DYDC2: variants seen among roughly 807,000 people sequenced by gnomAD.
The protein encoded by DYDC2 is DPY30 domain containing 2, also known as DPY30 domain-containing protein 2.
DYDC2 carries 19 observed loss-of-function variants against 18.7 expected under a neutral mutation model. That is an observed-to-expected ratio of 1.02 (90% CI 0.71 to 1.49). DYDC2 has a LOEUF of 1.49. DYDC2 is among the 40% of genes most tolerant of loss of function. The probability of loss-of-function intolerance (pLI) is 0.00; values close to 1 mark genes in which losing one functional copy is unlikely to be tolerated. For synonymous variants in DYDC2, 63 were observed against 67.6 expected (o/e 0.93, Z 0.34); for missense variants, 179 against 205.1 (o/e 0.87, Z 0.78).
At chr10:80,363,186 T>C in intron 4 of DYDC2, 113 bp downstream of exon 4, 1 of 1,031,538 alleles carries the variant, frequency 9.7e-7, no homozygotes, top group Non-Finnish European at 1.4e-6. Context: ...CCCTTTAGCT[T>C]GATTTTCAAT....
At chr10:80,351,975 G>T (rs142759387), upstream of DYDC2, 2 of 1,613,834 alleles carry the variant, frequency 1.2e-6, no homozygotes, top group Non-Finnish European at 1.7e-6. Flanking sequence ...TCTCTTTCAC[G>T]CTCCAGCTTG....
At position 80,366,686 on chromosome 10, in the gene DYDC2, A is replaced by C; in HGVS notation, c.271-2A>C. 6.3e-7 allele frequency: 1 copy of C among 1,593,604 alleles called. No homozygotes were observed. ...TTTTCGGCTTTTTTGTTTTCTATTT[A>C]GGAACTGACTTCTGAAACTGTTTCC... On this transcript the variant is annotated splice_acceptor_variant, in intron 4 of 4. Transcript: ENST00000256039. LOFTEE classifies it high-confidence loss of function.
chr10:80,349,764 A>C (rs1359438220), intron 1 of DYDC2, among the ~76,000 whole-genome samples: 1 of 152,194 alleles, frequency 6.6e-6, no homozygotes, highest in Admixed American at 6.5e-5. Flanking sequence ...AAACTTCCAA[A>C]ACCTAATCCC....
intron 4 of DYDC2, among the ~76,000 whole-genome samples, chr10:80,364,488 C>A (rs1308949268): frequency 6.6e-6 from 1 of 151,998 alleles, no homozygotes; most frequent in Non-Finnish European, 1.5e-5. Flanking sequence ...AGAAGACTCC[C>A]AAAACTTCAC....
intron 1 of DYDC2, 129 bp from the exon 2 acceptor site, chr10:80,357,764 C>T (rs1324246713): frequency 3.4e-5 from 33 of 982,556 alleles, no homozygotes; most frequent in Non-Finnish European, 3.9e-5. Flanking sequence ...GGGGCAGTGC[C>T]AGGCAAGAGA....
intron 2 of DYDC2, among the ~76,000 whole-genome samples, chr10:80,359,545 G>A (rs1014571584): frequency 8.5e-5 from 13 of 152,194 alleles, no homozygotes; most frequent in Non-Finnish European, 1.5e-4. Context: ...CCGCGGAGCA[G>A]TGGGTGGCGC....
chr10:80,362,417 T>C lies in DYDC2; in HGVS notation c.-9-18T>C. ...TTAAGTTTGTAAAATAGTGTGACTTTGTTTTGATGTTTTCCAGGCTGCCAG... is the reference window on the plus strand; with the variant it reads ...TTAAGTTTGTAAAATAGTGTGACTTCGTTTTGATGTTTTCCAGGCTGCCAG... On this transcript the variant is annotated intron_variant, in intron 2 of 4. Coordinates refer to ENST00000256039, the MANE Select transcript of DYDC2 (RefSeq NM_032372.6). 6.2e-7 allele frequency: 1 copy of C among 1,600,664 alleles called. No individual in the cohort carries two copies. Among genetic ancestry groups the C allele is most frequent in the Non-Finnish European group, 8.5e-7 (1 of 1,171,414 alleles).
intron 1 of DYDC2, among the ~76,000 whole-genome samples, chr10:80,346,475 T>TTTTTTTTTTTTTTC: frequency 7.0e-6 from 1 of 141,972 alleles, no homozygotes; most frequent in African/African-American, 2.7e-5. Flanking sequence ...TTTTTTTCTT[T>TTTTTTTTTTTTTTC]TTTGAGACGG....
At chr10:80,359,145 T>C (rs1344479362) in intron 2 of DYDC2, among the ~76,000 whole-genome samples, 1 of 152,168 alleles carries the variant, frequency 6.6e-6, no homozygotes, top group African/African-American at 2.4e-5. Flanking sequence ...TACAGAGAGC[T>C]GATTGCTCTG....
chr10:80,367,354 G>A lies in DYDC2; in HGVS notation c.*403G>A, dbSNP rs1589537154. On this transcript the variant is annotated 3_prime_UTR_variant, in exon 5 of 5. Transcript: ENST00000256039. ...CCAATGCTAGTATGGAGGCTGTGAA[G>A]TCCCCAAGCTCTGGAAGCCCACACT... The A allele has an allele frequency of 6.1e-6, 1 of 162,912 alleles. No individual in the cohort carries two copies. Among genetic ancestry groups the A allele is most frequent in the Middle Eastern group, 3.0e-3 (1 of 330 alleles). The allele number at this position is 162,912 out of a possible 1,614,324, so 10.1% of individuals were successfully genotyped here.
At chr10:80,357,631 T>G (rs1382679097) in intron 1 of DYDC2, among the ~76,000 whole-genome samples, 1 of 152,076 alleles carries the variant, frequency 6.6e-6, no homozygotes, top group Non-Finnish European at 1.5e-5. Context: ...TCAGAACCAA[T>G]TCGGGTGCCC....
intron 2 of DYDC2, 77 bp downstream of exon 2, chr10:80,358,122 A>G: frequency 1.1e-6 from 1 of 948,736 alleles, no homozygotes; most frequent in Non-Finnish European, 1.3e-6. Context: ...CACCGCCTGT[A>G]ATCCTAGCAC....
chr10:80,345,946 A>T (rs897698860), intron 1 of DYDC2, among the ~76,000 whole-genome samples: 4 of 151,976 alleles, frequency 2.6e-5, no homozygotes, highest in Non-Finnish European at 5.9e-5. Context: ...GGCTCAATTA[A>T]TCCTCCCACC....
intron 2 of DYDC2, among the ~76,000 whole-genome samples, chr10:80,360,476 A>G (rs1359629173): frequency 1.3e-5 from 2 of 152,204 alleles, no homozygotes; most frequent in Non-Finnish European, 2.9e-5. Flanking sequence ...CAGATAATCC[A>G]GGATAATCCC....
chr10:80,352,391 TAAAAGC>T, upstream of DYDC2: 1 of 1,452,528 alleles, frequency 6.9e-7, no homozygotes, highest in African/African-American at 1.4e-5. Flanking sequence ...TAAACTTTTT[TAAAAGC>T]AGACAAGTTG....
At chr10:80,363,336 G>GTTTTTT (rs3038629) in intron 4 of DYDC2, among the ~76,000 whole-genome samples, 1 of 81,628 alleles carries the variant, frequency 1.2e-5, no homozygotes, top group Non-Finnish European at 2.2e-5. Context: ...AAAAAAATCT[G>GTTTTTT]TTTTTTTTTT....
intron 1 of DYDC2, among the ~76,000 whole-genome samples, chr10:80,346,444 C>CTTTTTTTTTTT (rs1032729095): frequency 0.021 from 1,714 of 83,390 alleles, 233 homozygotes; most frequent in African/African-American, 0.031. Flanking sequence ...TCTTCCCTTT[C>CTTTTTTTTTTT]TTTTTTTTTT....
rs200935252 is a variant in DYDC2 at position 80,345,646 on chromosome 10, A to AT, written c.-310+841dup. ...TATTCTCTCTTTTTATGTATTCAAC[A>AT]TTTTTTTTTTAAGATTTCTACATAG... On this transcript the variant is annotated intron_variant, in intron 1 of 4. Coordinates refer to the DYDC2 transcript ENST00000372197. Among the ~76,000 whole-genome samples the AT allele has an allele frequency of 2.5e-4, 37 of 148,328 alleles. 1 individual carries two copies. Among genetic ancestry groups the AT allele is most frequent in the East Asian group, 7.9e-4 (4 of 5,042 alleles).
intron 4 of DYDC2, among the ~76,000 whole-genome samples, chr10:80,363,437 T>G (rs1019007129): frequency 2.0e-5 from 3 of 146,564 alleles, no homozygotes; most frequent in Non-Finnish European, 4.5e-5. Context: ...CTCTGCCTCC[T>G]GGGTTCAAGT....
Sources: allele counts gnomAD v4.1 joint callset (sites outside exome capture counted in the v4.1 genomes callset), GRCh38; gene constraint gnomAD v4.1.1; transcripts MANE v1.5; gene names NCBI Gene and HGNC (gene_info 2026-07-23, HGNC 2026-07-21).